The following DMC1 variants were observed in gnomAD, a reference collection of about 807,000 sequenced individuals.
DMC1 encodes the protein meiotic recombination protein DMC1 homolog.
Under a neutral mutation model 50.1 loss-of-function variants are expected in DMC1, and 27 were observed. The ratio of observed to expected loss-of-function variants is 0.54; its 90% CI spans 0.40 to 0.74. The LOEUF is 0.74. Ranked by LOEUF, DMC1 falls within the 30% of genes least tolerant of loss-of-function variation. The pLI is 0.00. For synonymous variants in DMC1, 148 were observed against 136.1 expected (o/e 1.09, Z -0.61); for missense variants, 295 against 420.2 (o/e 0.70, Z 2.60).
At position 38,519,900 on chromosome 22, in the gene DMC1, G is replaced by C; in HGVS notation, c.*120C>G. The C allele has an allele frequency of 1.3e-6, 1 of 771,620 alleles. No homozygotes were observed. Among genetic ancestry groups the C allele is most frequent in the Non-Finnish European group, 2.3e-6 (1 of 437,862 alleles). The allele number at this position is 771,620 out of a possible 1,614,324, so 47.8% of individuals were successfully genotyped here. A position where few individuals can be genotyped will look rare whatever the true frequency, so the allele number is the denominator to read the frequency against. On this transcript the variant is annotated 3_prime_UTR_variant, in exon 14 of 14. Coordinates refer to ENST00000216024, the MANE Select transcript of DMC1 (RefSeq NM_007068.4). ...AATATAAGATTTAAATCTCTTTGCT[G>C]ACTTTTCTTTAGTAACATGTGGGAA...
chr22:38,520,133 T>G, intron 13 of DMC1, 44 bp from the exon 14 acceptor site: 4 of 1,477,904 alleles, frequency 2.7e-6, no homozygotes, highest in Non-Finnish European at 3.8e-6. Flanking sequence ...AAGCTCTATT[T>G]CTATAAATAC....
At chr22:38,559,692 C>T (rs776523783) in intron 5 of DMC1, among the ~76,000 whole-genome samples, 11 of 152,042 alleles carry the variant, frequency 7.2e-5, no homozygotes, top group Non-Finnish European at 1.3e-4. Context: ...TTTTTTCTCT[C>T]ACGAAGTTTA....
the DMC1 span, among the ~76,000 whole-genome samples, chr22:38,511,022 T>A: frequency 2.0e-5 from 3 of 152,206 alleles, no homozygotes; most frequent in Non-Finnish European, 4.4e-5. Flanking sequence ...TAGTCCCAGC[T>A]ACTTGGGAGG....
In DMC1 at chr22:38,532,483, G is replaced by A. The variant is rs553643774; in HGVS notation, c.836+5109C>T. Among the ~76,000 whole-genome samples, 46 of 151,644 alleles carry A rather than the reference G, an allele frequency of 3.0e-4. No homozygotes were observed. In the South Asian group the frequency reaches 5.4e-3, roughly 18 times the overall value. ...ATTACAGGCACGCGCATTTACGCCC[G>A]GCTAATTTTTATATTTTTAGTAGAG... On this transcript the variant is annotated intron_variant, in intron 12 of 13. Transcript: ENST00000216024.
At chr22:38,537,026 A>T (rs2145856773) in intron 12 of DMC1, among the ~76,000 whole-genome samples, 1 of 150,456 alleles carries the variant, frequency 6.6e-6, no homozygotes, top group South Asian at 2.1e-4. Flanking sequence ...AATTTTTTGT[A>T]TTTTTAGTAG....
chr22:38,545,040 C>T (rs540080281), intron 8 of DMC1, among the ~76,000 whole-genome samples: 77 of 152,266 alleles, frequency 5.1e-4, no homozygotes, highest in African/African-American at 1.9e-3. Context: ...TGTCACTGAT[C>T]ATCAGAGAAA....
At chr22:38,528,511 G>A (rs5757127) in intron 12 of DMC1, among the ~76,000 whole-genome samples, 3,399 of 152,058 alleles carry the variant, frequency 0.022, 51 homozygotes, top group Middle Eastern at 0.051. Flanking sequence ...AGTGGCTCAC[G>A]CTTGTAATCC....
intron 9 of DMC1, 67 bp from the exon 10 acceptor site, chr22:38,538,679 T>C: frequency 7.4e-7 from 1 of 1,353,208 alleles, no homozygotes; most frequent in African/African-American, 1.4e-5. Flanking sequence ...ATCATTCATA[T>C]TCTTGGGAGC....
At chr22:38,550,041 T>A (rs1249315035) in intron 7 of DMC1, 44 bp from the exon 8 acceptor site, 1 of 1,380,762 alleles carries the variant, frequency 7.2e-7, no homozygotes, top group African/African-American at 1.4e-5. Context: ...GTGAATAAAC[T>A]TTGTACACAT....
At chr22:38,537,435 A>C (rs968836391) in intron 12 of DMC1, among the ~76,000 whole-genome samples, 157 bp downstream of exon 12, 25 of 152,046 alleles carry the variant, frequency 1.6e-4, no homozygotes, top group Admixed American at 8.5e-4. Flanking sequence ...GCTGGTCTCC[A>C]TCTCCTGACC....
At chr22:38,537,935 G>A (rs2090233383) in intron 11 of DMC1, among the ~76,000 whole-genome samples, 1 of 152,098 alleles carries the variant, frequency 6.6e-6, no homozygotes, top group South Asian at 2.1e-4. Flanking sequence ...ACGAGGTCAG[G>A]AGCTCGAGAC....
intron 5 of DMC1, among the ~76,000 whole-genome samples, chr22:38,561,597 G>A (rs1189222258): frequency 2.0e-5 from 3 of 152,172 alleles, no homozygotes; most frequent in African/African-American, 4.8e-5. Flanking sequence ...TCAGAAGTTT[G>A]ATTTTTGGAC....
intron 8 of DMC1, among the ~76,000 whole-genome samples, chr22:38,547,598 T>A (rs2090357163): frequency 6.6e-6 from 1 of 152,080 alleles, no homozygotes; most frequent in Non-Finnish European, 1.5e-5. Context: ...TGGAGTGCAA[T>A]GGCACGATCT....
rs190394833 is a variant in DMC1, at chr22:38,563,761, G to A, written c.244-1392C>T. Among the ~76,000 whole-genome samples, 567 of 151,256 alleles carry A rather than the reference G, an allele frequency of 3.7e-3. 20 individuals are homozygous for A. In the East Asian group the frequency reaches 0.097, roughly 26 times the overall value. ...GTCGCCCAGGCTGGAGTGCAGTGGCGCGATCTCAGCTCACTGCAAGCTCCA... is the reference window on the plus strand; with the variant it reads ...GTCGCCCAGGCTGGAGTGCAGTGGCACGATCTCAGCTCACTGCAAGCTCCA... On this transcript the variant is annotated intron_variant, in intron 4 of 13. Coordinates refer to ENST00000216024, the MANE Select transcript of DMC1 (RefSeq NM_007068.4).
At chr22:38,552,730 A>G in intron 6 of DMC1, 23 bp from the exon 7 acceptor site, 1 of 1,485,464 alleles carries the variant, frequency 6.7e-7, no homozygotes. Flanking sequence ...GAAAAAAATG[A>G]TTTTAAAAAT....
At position 38,552,676 on chromosome 22, in the gene DMC1, A is replaced by G. The variant is rs1309054866; in HGVS notation, c.411T>C (p.His137=). Residue 137 remains histidine, a synonymous_variant, in exon 7 of 14, where the codon CAT becomes CAC. Transcript: ENST00000216024. ...EFRTGKTQLS[H]TLCVTAQLPG... ...GTTATATATCCTTACCACAGAGGGT[A>G]TGAGAAAGCTGGGTTTTTCCAGTAC... is the stretch of plus-strand genomic sequence containing the variant. The G allele has an allele frequency of 3.8e-6, 6 of 1,592,404 alleles. No homozygotes were observed. Among genetic ancestry groups the G allele is most frequent in the Non-Finnish European group, 4.3e-6 (5 of 1,160,474 alleles).
chr22:38,510,330 C>G, the DMC1 span, among the ~76,000 whole-genome samples: 1 of 151,958 alleles, frequency 6.6e-6, no homozygotes, highest in Non-Finnish European at 1.5e-5. Context: ...TGGTGGGCGC[C>G]TGTAATCACA....
intron 12 of DMC1, among the ~76,000 whole-genome samples, chr22:38,535,947 A>G (rs1436381399): frequency 6.6e-6 from 1 of 151,174 alleles, no homozygotes; most frequent in African/African-American, 2.4e-5. Context: ...TTGGCTAGGC[A>G]AGGGGGCTCA....
chr22:38,561,860 A>G (rs1362668684), intron 5 of DMC1, among the ~76,000 whole-genome samples: 1 of 152,208 alleles, frequency 6.6e-6, no homozygotes, highest in Non-Finnish European at 1.5e-5. Flanking sequence ...GGGGATCATA[A>G]AAGAGTAAAT....
Sources: gnomAD v4.1 joint callset for allele counts (sites outside exome capture counted in the v4.1 genomes callset) on GRCh38, gnomAD v4.1.1 for gene constraint, MANE v1.5 for transcripts, NCBI Gene and HGNC (gene_info 2026-07-23, HGNC 2026-07-21) for gene names.